Variants in FSD1L observed in about 807,000 individuals in gnomAD.
FSD1L encodes FSD1-like protein.
Under a neutral mutation model 71.6 loss-of-function variants are expected in FSD1L, and 45 were observed. The ratio of observed to expected loss-of-function variants is 0.63; its 90% CI spans 0.49 to 0.81. The LOEUF is 0.81. FSD1L is among the 30% of genes least tolerant of loss of function. The pLI, the probability that FSD1L is intolerant of heterozygous loss-of-function variation, is 0.00. For missense variants in FSD1L, 561 were observed against 618.1 expected, an observed-to-expected ratio of 0.91 and a Z score of 0.98; for synonymous variants, 197 against 207.2, an observed-to-expected ratio of 0.95 and a Z score of 0.42.
At chr9:105,479,217 A>G (rs1210470428) in intron 5 of FSD1L, 137 bp from the exon 6 acceptor site, 4 of 650,764 alleles carry the variant, frequency 6.1e-6, no homozygotes, top group South Asian at 4.7e-5. Flanking sequence ...TAAATTTTCT[A>G]TAGTTTGTGT....
chr9:105,484,506 A>T lies in FSD1L; in HGVS notation c.586+4A>T. On this transcript the variant is annotated splice_donor_region_variant and intron_variant, in intron 7 of 13. Transcript: ENST00000481272. ...CAAACTTTGAAGTTTTTGCCAGGTA[A>T]ATACATGTATTACATGTAAAGTTTT... is the stretch of plus-strand genomic sequence containing the variant. 6.6e-7 allele frequency: 1 copy of T among 1,506,548 alleles called. No individual in the cohort carries two copies. The highest frequency in any genetic ancestry group is 1.3e-5 in the South Asian group (1 of 74,696). 93.3% of individuals were successfully genotyped at this position (1,506,548 alleles called of 1,614,324 possible). A position where few individuals can be genotyped will look rare whatever the true frequency, so the allele number is the denominator to read the frequency against.
At chr9:105,447,409 A>G (rs1397343483), upstream of FSD1L, among the ~76,000 whole-genome samples, 1 of 151,762 alleles carries the variant, frequency 6.6e-6, no homozygotes, top group Non-Finnish European at 1.5e-5. Context: ...AATCCTCACA[A>G]TCCTCTGCAA....
intron 7 of FSD1L, among the ~76,000 whole-genome samples, chr9:105,493,909 C>G (rs1466997545): frequency 1.3e-5 from 2 of 152,172 alleles, no homozygotes; most frequent in East Asian, 3.8e-4. Flanking sequence ...GATAACCCGA[C>G]CTTTCTCTCT....
intron 1 of FSD1L, among the ~76,000 whole-genome samples, chr9:105,458,643 A>G (rs1386965167): frequency 1.3e-5 from 2 of 152,130 alleles, no homozygotes. Flanking sequence ...GCGTGGAAAA[A>G]GCACCATTTG....
In FSD1L at chr9:105,468,293, A is replaced by G. The variant is rs773699591; in HGVS notation, c.308A>G (p.Gln103Arg). The change falls in exon 4 of 14, where the codon CAG becomes CGG. Residue 103 changes from glutamine to arginine, a missense_variant. Gln to Arg is a conservative substitution (Grantham distance 43, BLOSUM62 1). Coordinates refer to ENST00000481272, the MANE Select transcript of FSD1L (RefSeq NM_001145313.3). ...GAAAGTATGATTAACTGTATCAAGC[A>G]GGAACAAGCTCGTAAATCCCAAGAG... ...VKESMINCIKQEQARKSQELQ... is the reference protein window; with the variant it reads ...VKESMINCIKREQARKSQELQ... The G allele has an allele frequency of 2.5e-5, 38 of 1,492,280 alleles. No homozygotes were observed. Among genetic ancestry groups the G allele is most frequent in the South Asian group, 1.2e-4 (9 of 72,428 alleles). 92.4% of individuals were successfully genotyped at this position (1,492,280 alleles called of 1,614,324 possible).
chr9:105,495,551 G>T (rs565966091), intron 7 of FSD1L, among the ~76,000 whole-genome samples: 3 of 152,192 alleles, frequency 2.0e-5, no homozygotes, highest in Admixed American at 2.0e-4. Flanking sequence ...AGATGAACCC[G>T]GTACCTCAGA....
chr9:105,513,525 T>A (rs1834522117), intron 10 of FSD1L: 2 of 1,286,918 alleles, frequency 1.6e-6, no homozygotes, highest in East Asian at 2.5e-5. Flanking sequence ...AGGCCTTTAA[T>A]CTGATTTCAT....
intron 10 of FSD1L, chr9:105,520,089 T>TGTGGCAGTGGCAGTGGCAGTGGCA: frequency 6.3e-7 from 1 of 1,583,450 alleles, no homozygotes; most frequent in Non-Finnish European, 8.6e-7. Context: ...GGGAGCCGGC[T>TGTGGCAGTGGCAGTGGCAGTGGCA]GTGGCAGTGG....
intron 12 of FSD1L, among the ~76,000 whole-genome samples, chr9:105,535,827 A>G (rs908251720): frequency 3.9e-5 from 6 of 152,224 alleles, no homozygotes; most frequent in African/African-American, 1.4e-4. Context: ...TACCAGAGCC[A>G]TATTTTCTAC....
chr9:105,457,384 T>G (rs191463442), intron 1 of FSD1L, among the ~76,000 whole-genome samples: 282 of 152,248 alleles, frequency 1.9e-3, no homozygotes, highest in Non-Finnish European at 3.3e-3. Flanking sequence ...CAAGGTACAA[T>G]GGGAAGCTAT....
At chr9:105,495,106 G>T (rs751601382) in intron 7 of FSD1L, among the ~76,000 whole-genome samples, 19 of 152,210 alleles carry the variant, frequency 1.2e-4, no homozygotes, top group Non-Finnish European at 1.8e-4. Flanking sequence ...CCCAGAGGTG[G>T]AGCCTACAGA....
At chr9:105,530,849 A>T (rs183380012) in intron 10 of FSD1L, 1 of 403,456 alleles carries the variant, frequency 2.5e-6, no homozygotes, top group East Asian at 4.5e-5. Context: ...GGTGTTCCTT[A>T]ATTGATAGTA....
Position 105,535,269 on chromosome 9 carries a change from G to A in FSD1L, c.1329G>A (p.Leu443=). The change falls in exon 12 of 14, where the codon TTG becomes TTA. Residue 443 remains leucine, a synonymous_variant. Transcript: ENST00000481272. ...AGCATAATAATAAAGTCAAAGCTTT[G>A]GATGTTACTGTTCCTGAAAAAATAG... is the stretch of plus-strand genomic sequence containing the variant. ...AAKHNNKVKA[L]DVTVPEKIGV... is the part of the protein sequence containing the mutation. 3.9e-6 allele frequency: 6 copies of A among 1,551,650 alleles called. No homozygotes were observed. The South Asian group carries it at 7.1e-5, about 18-fold the overall frequency.
chr9:105,493,638 C>G (rs149033094), intron 7 of FSD1L, among the ~76,000 whole-genome samples: 3 of 152,322 alleles, frequency 2.0e-5, no homozygotes, highest in East Asian at 3.9e-4. Flanking sequence ...GTGGCTGGTA[C>G]TGGTTTTTCC....
chr9:105,478,386 A>G (rs918279789), intron 5 of FSD1L, among the ~76,000 whole-genome samples: 1 of 152,224 alleles, frequency 6.6e-6, no homozygotes, highest in Non-Finnish European at 1.5e-5. Flanking sequence ...GCATTGCTAC[A>G]TATATCTAAT....
chr9:105,486,033 T>C (rs1832530604), intron 7 of FSD1L, among the ~76,000 whole-genome samples: 1 of 147,602 alleles, frequency 6.8e-6, no homozygotes, highest in Non-Finnish European at 1.5e-5. Flanking sequence ...TAAAATACGA[T>C]TGGAAAAACA....
At chr9:105,495,527 G>C (rs1050946086) in intron 7 of FSD1L, among the ~76,000 whole-genome samples, 2 of 152,196 alleles carry the variant, frequency 1.3e-5, no homozygotes, top group Admixed American at 6.5e-5. Flanking sequence ...CCCACTGTCT[G>C]GCACTCCCTA....
intron 7 of FSD1L, among the ~76,000 whole-genome samples, chr9:105,492,481 T>C (rs1025616125): frequency 1.3e-5 from 2 of 152,176 alleles, no homozygotes; most frequent in African/African-American, 4.8e-5. Flanking sequence ...TGAAGGGTTT[T>C]TTTGTGTCTC....
At chr9:105,446,039 A>G (rs557410122), upstream of FSD1L, among the ~76,000 whole-genome samples, 1 of 152,252 alleles carries the variant, frequency 6.6e-6, no homozygotes, top group African/African-American at 2.4e-5. Flanking sequence ...AGGATGTATT[A>G]AGTGCATACT....
Sources: gnomAD v4.1 joint callset for allele counts (sites outside exome capture counted in the v4.1 genomes callset) on GRCh38, gnomAD v4.1.1 for gene constraint, MANE v1.5 for transcripts, NCBI Gene and HGNC (gene_info 2026-07-23, HGNC 2026-07-21) for gene names.